SRFBP1: variants seen among roughly 807,000 people sequenced by gnomAD.
SRFBP1 encodes serum response factor binding protein 1, also known as serum response factor-binding protein 1.
A neutral mutation model predicts 45.5 loss-of-function variants in SRFBP1; 47 were observed. The ratio of observed to expected loss-of-function variants is 1.03; its 90% CI spans 0.82 to 1.32. The LOEUF (loss-of-function observed/expected upper bound fraction) is 1.32. Among genes scored for constraint, SRFBP1 ranks in the 40% most tolerant of loss-of-function variants. SRFBP1 has a pLI of 0.00. For missense variants in SRFBP1, 621 were observed against 484.6 expected (o/e 1.28, Z -2.64); for synonymous variants, 203 against 166.3 (o/e 1.22, Z -1.70).
intron 3 of SRFBP1, among the ~76,000 whole-genome samples, chr5:121,986,230 T>C (rs1198555939): frequency 1.3e-5 from 2 of 151,830 alleles, no homozygotes; most frequent in African/African-American, 4.8e-5. Flanking sequence ...TTAACAAAAA[T>C]TGATAGGCCA....
At chr5:122,024,623 C>T (rs1390410036) in intron 7 of SRFBP1, among the ~76,000 whole-genome samples, 1 of 152,156 alleles carries the variant, frequency 6.6e-6, no homozygotes, top group African/African-American at 2.4e-5. Context: ...CATGTGACCT[C>T]ACCTAACTGC....
rs138232448 is a variant in SRFBP1 at position 122,012,842 on chromosome 5, C to G, written c.271-6418C>G. On this transcript the variant is annotated intron_variant, in intron 4 of 7. Transcript: ENST00000339397. ...CTTGTGCCTTTTTCTTTGAGGCTGA[C>G]AATTCAGATAGGAAGTAATTGGTAA... 3.8e-3 allele frequency among the ~76,000 whole-genome samples: 574 copies of G among 152,174 alleles called. 5 individuals carry two copies. Among genetic ancestry groups the G allele is most frequent in the African/African-American group, 0.013 (521 of 41,550 alleles).
chr5:122,041,137 G>A (rs553564833), intron 2 of SRFBP1, among the ~76,000 whole-genome samples: 2 of 152,100 alleles, frequency 1.3e-5, no homozygotes, highest in Non-Finnish European at 2.9e-5. Context: ...CCAGTTAGGA[G>A]GCTATTAGAA....
downstream of SRFBP1, among the ~76,000 whole-genome samples, chr5:122,033,303 T>C (rs1312486877): frequency 6.6e-6 from 1 of 152,176 alleles, no homozygotes; most frequent in Non-Finnish European, 1.5e-5. Context: ...TTTTCTATCA[T>C]GTTATTTCTT....
chr5:121,997,659 A>G (rs2112679320), intron 4 of SRFBP1, among the ~76,000 whole-genome samples: 1 of 151,396 alleles, frequency 6.6e-6, no homozygotes, highest in Admixed American at 6.6e-5. Flanking sequence ...GACAAAATTG[A>G]CAAATGGGAT....
chr5:122,076,838 G>C, downstream of SRFBP1: 1 of 1,502,440 alleles, frequency 6.7e-7, no homozygotes, highest in African/African-American at 1.4e-5. Flanking sequence ...CCAGGCACCA[G>C]AGCGCCCCCT....
intron 2 of SRFBP1, among the ~76,000 whole-genome samples, chr5:122,043,670 A>T (rs893437097): frequency 1.3e-5 from 2 of 152,232 alleles, no homozygotes; most frequent in Non-Finnish European, 2.9e-5. Context: ...GTAATTTTGT[A>T]TACTCTACTT....
chr5:121,982,357 C>A (rs1380378914), intron 3 of SRFBP1, among the ~76,000 whole-genome samples: 1 of 151,898 alleles, frequency 6.6e-6, no homozygotes, highest in Non-Finnish European at 1.5e-5. Flanking sequence ...AACAGATCAT[C>A]ATACTGAAAT....
intron 4 of SRFBP1, among the ~76,000 whole-genome samples, chr5:121,997,397 A>T (rs1312576854): frequency 1.3e-5 from 2 of 151,598 alleles, no homozygotes; most frequent in Non-Finnish European, 2.9e-5. Context: ...CAAACCTGAG[A>T]AAAACAAGCA....
chr5:122,061,012 T>C lies in SRFBP1; in HGVS notation n.312-14303T>C, dbSNP rs1054454217. The stretch of plus-strand genomic sequence containing the variant: ...AACAATAAATCAGTTTAAAAGGGTT[T>C]TTTCTAATATCATCATTCTAAAAAA... On this transcript the variant is annotated intron_variant and non_coding_transcript_variant, in intron 2 of 2. Coordinates refer to the SRFBP1 transcript ENST00000504881. Among the ~76,000 whole-genome samples, 5 of 152,188 alleles carry C rather than the reference T, an allele frequency of 3.3e-5. No homozygotes were observed. In the East Asian group the frequency reaches 9.7e-4, roughly 29 times the overall value.
intron 1 of SRFBP1, among the ~76,000 whole-genome samples, chr5:121,966,095 A>G (rs569991078): frequency 6.6e-6 from 1 of 152,256 alleles, no homozygotes; most frequent in African/African-American, 2.4e-5. Flanking sequence ...GGCTGAAACA[A>G]TGGGGTTTTC....
chr5:122,020,509 G>A lies in SRFBP1; in HGVS notation c.774G>A (p.Lys258=), dbSNP rs201430396. Residue 258 remains lysine (K), a synonymous_variant, in exon 6 of 8, where the codon AAG becomes AAA. Transcript: ENST00000339397. ...GAGAAGAATTTTGTGAAGAGGAGAA[G>A]GAATATTTTGATGATAGCACAGAAG... ...DGGEEFCEEE[K]EYFDDSTEER... The A allele has an allele frequency of 2.5e-6, 4 of 1,614,090 alleles. No individual in the cohort carries two copies. The East Asian group carries it at 8.9e-5, about 36-fold the overall frequency.
At chr5:122,010,711 A>G (rs923554400) in intron 4 of SRFBP1, among the ~76,000 whole-genome samples, 1 of 143,162 alleles carries the variant, frequency 7.0e-6, no homozygotes, top group Non-Finnish European at 1.5e-5. Flanking sequence ...ATCAAATTAA[A>G]TTTCCCATAA....
chr5:122,035,405 C>A (rs974921784), intron 2 of SRFBP1, among the ~76,000 whole-genome samples: 2 of 152,146 alleles, frequency 1.3e-5, no homozygotes, highest in African/African-American at 4.8e-5. Context: ...TCAGCTGCAG[C>A]AATTCATCAA....
In SRFBP1 at chr5:122,018,642, G is replaced by A. The variant is rs568233627; in HGVS notation, c.271-618G>A. 7.2e-5 allele frequency among the ~76,000 whole-genome samples: 11 copies of A among 152,302 alleles called. 2 individuals are homozygous for A. In the South Asian group the frequency reaches 2.3e-3, roughly 32 times the overall value. On this transcript the variant is annotated intron_variant, in intron 4 of 7. Coordinates refer to ENST00000339397, the MANE Select transcript of SRFBP1 (RefSeq NM_152546.3). ...AGAGCTCAGGTTGGAGCTGGAGGTC[G>A]AAATTTAGATGTTGTCAGCCTTCAT...
intron 2 of SRFBP1, among the ~76,000 whole-genome samples, chr5:122,041,593 C>A (rs1376780292): frequency 6.6e-6 from 1 of 151,890 alleles, no homozygotes; most frequent in Admixed American, 6.6e-5. Flanking sequence ...TAAATGTGAT[C>A]TGATCTTTTA....
intron 4 of SRFBP1, among the ~76,000 whole-genome samples, chr5:122,018,604 G>A (rs991294095): frequency 6.6e-6 from 1 of 152,214 alleles, no homozygotes. Context: ...TAGGTGGTTT[G>A]ATGTATCAGC....
chr5:122,033,009 T>C (rs1200385441), downstream of SRFBP1, among the ~76,000 whole-genome samples: 1 of 152,166 alleles, frequency 6.6e-6, no homozygotes, highest in East Asian at 1.9e-4. Context: ...ATGACCTCTT[T>C]GTGACAGTAA....
intron 2 of SRFBP1, among the ~76,000 whole-genome samples, chr5:122,056,535 G>A (rs1393752907): frequency 6.6e-6 from 1 of 152,096 alleles, no homozygotes; most frequent in Non-Finnish European, 1.5e-5. Context: ...AAAGTTTAGG[G>A]AGAAAGCACT....
Sources: gnomAD v4.1 joint callset for allele counts (sites outside exome capture counted in the v4.1 genomes callset) on GRCh38, gnomAD v4.1.1 for gene constraint, MANE v1.5 for transcripts, NCBI Gene and HGNC (gene_info 2026-07-23, HGNC 2026-07-21) for gene names.